Variants in PHACTR3 observed in about 807,000 individuals in gnomAD.
PHACTR3 encodes phosphatase and actin regulator 3.
In PHACTR3, 16 loss-of-function variants were observed where a neutral mutation model predicts 66.8. The observed-to-expected ratio is 0.24, with a 90% CI of 0.16 to 0.36. The LOEUF (loss-of-function observed/expected upper bound fraction) is 0.36. PHACTR3 is among the 10% of genes least tolerant of loss of function. The pLI is 1.00. For missense variants in PHACTR3, 647 were observed against 719.9 expected (o/e 0.90, Z 1.16); for synonymous variants, 323 against 292.1 (o/e 1.11, Z -1.08).
intron 8 of PHACTR3, 114 bp from the exon 9 acceptor site, chr20:59,836,391 T>A: frequency 2.2e-6 from 2 of 902,456 alleles, no homozygotes; most frequent in Non-Finnish European, 1.6e-6. Context: ...CTCCTTCCAA[T>A]TTTGGGAGGC....
chr20:59,638,530 A>G (rs112379979), intron 1 of PHACTR3, among the ~76,000 whole-genome samples: 1 of 118,152 alleles, frequency 8.5e-6, no homozygotes, highest in African/African-American at 3.2e-5. Flanking sequence ...GGATTGATGG[A>G]TGATTGCTAG....
At chr20:59,633,128 G>T (rs1481711159) in intron 1 of PHACTR3, among the ~76,000 whole-genome samples, 1 of 152,210 alleles carries the variant, frequency 6.6e-6, no homozygotes, top group African/African-American at 2.4e-5. Flanking sequence ...GACACAGCGT[G>T]TGCTAGAGAT....
intron 1 of PHACTR3, among the ~76,000 whole-genome samples, chr20:59,638,577 G>A (rs914831749): frequency 1.6e-4 from 24 of 149,370 alleles, no homozygotes; most frequent in East Asian, 6.0e-4. Flanking sequence ...GGGTGGGTGC[G>A]TGAGTGGATG....
intron 1 of PHACTR3, among the ~76,000 whole-genome samples, chr20:59,668,173 G>C (rs1243672368): frequency 6.6e-6 from 1 of 151,912 alleles, no homozygotes; most frequent in African/African-American, 2.4e-5. Context: ...CCTGTACGGG[G>C]TTAGAGGTGG....
intron 1 of PHACTR3, among the ~76,000 whole-genome samples, chr20:59,732,882 C>T (rs1350490599): frequency 6.6e-6 from 1 of 152,064 alleles, no homozygotes; most frequent in Non-Finnish European, 1.5e-5. Context: ...TTGCATTGTG[C>T]AGTTGTTGAG....
At chr20:59,687,007 G>GTGATGATGGTGGTGA (rs1407121183) in intron 1 of PHACTR3, among the ~76,000 whole-genome samples, 1 of 146,852 alleles carries the variant, frequency 6.8e-6, no homozygotes, top group African/African-American at 2.5e-5. Context: ...GGTGGTGATT[G>GTGATGATGGTGGTGA]TGATGATGGT....
intron 1 of PHACTR3, among the ~76,000 whole-genome samples, chr20:59,663,684 G>A (rs1259001191): frequency 6.6e-6 from 1 of 152,180 alleles, no homozygotes; most frequent in African/African-American, 2.4e-5. Context: ...AGGTTCCCTG[G>A]CTCTGGGGCC....
intron 8 of PHACTR3, among the ~76,000 whole-genome samples, chr20:59,821,543 G>T (rs1427500792): frequency 6.6e-6 from 1 of 152,184 alleles, no homozygotes; most frequent in Non-Finnish European, 1.5e-5. Flanking sequence ...GCCGTGGTCA[G>T]CTGGAAAAGA....
chr20:59,717,859 A>T (rs1023892913), intron 1 of PHACTR3, among the ~76,000 whole-genome samples: 4 of 152,330 alleles, frequency 2.6e-5, no homozygotes, highest in African/African-American at 9.6e-5. Flanking sequence ...GAAGCACTCA[A>T]ATGTATTCAT....
In PHACTR3 at chr20:59,741,359, G is replaced by A. The variant is rs977987069; in HGVS notation, c.119-1748G>A. Among the ~76,000 whole-genome samples the A allele has an allele frequency of 2.0e-5, 3 of 152,338 alleles. No homozygotes were observed. In the East Asian group the frequency reaches 5.8e-4, roughly 29 times the overall value. The stretch of plus-strand genomic sequence containing the variant: ...GGTCTGGGCTCCTGTGGTAGCAGCC[G>A]TGCTGGGGAGCACCCCACGGGTCTG... On this transcript the variant is annotated intron_variant, in intron 1 of 12. Coordinates refer to ENST00000371015, the MANE Select transcript of PHACTR3 (RefSeq NM_080672.5).
At chr20:59,664,599 C>G (rs373350992) in intron 1 of PHACTR3, among the ~76,000 whole-genome samples, 28 of 152,338 alleles carry the variant, frequency 1.8e-4, no homozygotes, top group South Asian at 6.2e-4. Context: ...AGACATCCCC[C>G]TCCTGATCCC....
chr20:59,618,747 C>T (rs554453763), intron 1 of PHACTR3, among the ~76,000 whole-genome samples: 4 of 151,164 alleles, frequency 2.6e-5, no homozygotes, highest in Middle Eastern at 3.4e-3. Flanking sequence ...GGGCCGAGAG[C>T]CTGAGAGGTG....
intron 1 of PHACTR3, among the ~76,000 whole-genome samples, chr20:59,678,323 A>G (rs2036522839): frequency 6.6e-6 from 1 of 152,122 alleles, no homozygotes; most frequent in South Asian, 2.1e-4. Context: ...TGCTCAGAAA[A>G]TTCTATTTTT....
intron 7 of PHACTR3, among the ~76,000 whole-genome samples, chr20:59,783,857 AT>A (rs1460959693): frequency 6.6e-6 from 1 of 152,196 alleles, no homozygotes; most frequent in Admixed American, 6.5e-5. Flanking sequence ...GTACTCTGTG[AT>A]TTGTGCATCT....
intron 1 of PHACTR3, among the ~76,000 whole-genome samples, chr20:59,718,788 G>GT (rs1215676000): frequency 6.6e-6 from 1 of 152,328 alleles, no homozygotes; most frequent in South Asian, 2.1e-4. Flanking sequence ...ACACGGCTCT[G>GT]TTTTAAAAAG....
At chr20:59,674,059 G>GT (rs1005793380) in intron 1 of PHACTR3, among the ~76,000 whole-genome samples, 9 of 151,970 alleles carry the variant, frequency 5.9e-5, no homozygotes, top group African/African-American at 1.5e-4. Context: ...TGAGATTTCG[G>GT]TTTTTTGTGC....
At chr20:59,816,724 T>G (rs1362325646) in intron 8 of PHACTR3, among the ~76,000 whole-genome samples, 1 of 152,176 alleles carries the variant, frequency 6.6e-6, no homozygotes, top group African/African-American at 2.4e-5. Context: ...GTTGGTTAGA[T>G]GGATAGATGG....
chr20:59,625,739 A>G (rs2034423488), intron 1 of PHACTR3, among the ~76,000 whole-genome samples: 1 of 152,070 alleles, frequency 6.6e-6, no homozygotes. Context: ...TTTCCTCTGC[A>G]TGCACCGTCT....
At chr20:59,734,941 A>G (rs1427141811) in intron 1 of PHACTR3, among the ~76,000 whole-genome samples, 1 of 152,010 alleles carries the variant, frequency 6.6e-6, no homozygotes, top group Admixed American at 6.5e-5. Flanking sequence ...TTCCTCTGCT[A>G]TTATAATCCT....
Sources: allele counts gnomAD v4.1 joint callset (sites outside exome capture counted in the v4.1 genomes callset), GRCh38; gene constraint gnomAD v4.1.1; transcripts MANE v1.5; gene names NCBI Gene and HGNC (gene_info 2026-07-23, HGNC 2026-07-21).